The following FAT3 variants were observed in gnomAD, a reference collection of about 807,000 sequenced individuals.
FAT3 encodes FAT atypical cadherin 3.
Under a neutral mutation model 310.2 loss-of-function variants are expected in FAT3, and 95 were observed. The ratio of observed to expected loss-of-function variants is 0.31; its 90% CI spans 0.26 to 0.36. The LOEUF is 0.36. Among genes scored for constraint, FAT3 ranks in the 10% least tolerant of loss-of-function variants. The pLI is 1.00. For missense variants in FAT3, 5,408 were observed against 5,715.6 expected, an observed-to-expected ratio of 0.95 and a Z score of 1.74; for synonymous variants, 2,314 against 2,192.9, an observed-to-expected ratio of 1.06 and a Z score of -1.54.
chr11:92,680,693 G>T (rs1426743519), intron 3 of FAT3, among the ~76,000 whole-genome samples: 3 of 152,172 alleles, frequency 2.0e-5, no homozygotes, highest in Non-Finnish European at 1.5e-5. Flanking sequence ...TTGAGTACTT[G>T]TTGCATTGCA....
chr11:92,837,167 C>T (rs1374624136), intron 16 of FAT3, among the ~76,000 whole-genome samples: 1 of 151,970 alleles, frequency 6.6e-6, no homozygotes, highest in African/African-American at 2.4e-5. Context: ...TATTCATCTT[C>T]GAAGGGAAAT....
intron 2 of FAT3, among the ~76,000 whole-genome samples, chr11:92,487,281 G>C (rs1189292808): frequency 6.6e-6 from 1 of 152,090 alleles, no homozygotes; most frequent in Non-Finnish European, 1.5e-5. Context: ...GTTGGTAGCT[G>C]CTCACTTCTA....
intron 12 of FAT3, among the ~76,000 whole-genome samples, chr11:92,808,134 A>T (rs1280903293): frequency 6.6e-6 from 1 of 152,210 alleles, no homozygotes; most frequent in African/African-American, 2.4e-5. Flanking sequence ...CAGTAGACAT[A>T]AAAGTATTTT....
intron 1 of FAT3, among the ~76,000 whole-genome samples, chr11:92,288,349 G>C (rs764998497): frequency 2.0e-5 from 3 of 152,140 alleles, no homozygotes; most frequent in Non-Finnish European, 4.4e-5. Flanking sequence ...AGCAAGATGA[G>C]TAAATTCTAA....
chr11:92,293,208 G>A (rs955501511), intron 1 of FAT3, among the ~76,000 whole-genome samples: 3 of 151,504 alleles, frequency 2.0e-5, no homozygotes, highest in Admixed American at 6.6e-5. Flanking sequence ...TAAGAGGGTG[G>A]GAGCTAGAAG....
At chr11:92,652,156 C>T (rs1025829625) in intron 3 of FAT3, among the ~76,000 whole-genome samples, 1 of 152,170 alleles carries the variant, frequency 6.6e-6, no homozygotes, top group African/African-American at 2.4e-5. Context: ...CAACCCCCCT[C>T]TGCAGTCGTG....
chr11:92,709,888 C>T (rs895900044), intron 4 of FAT3, among the ~76,000 whole-genome samples: 10 of 152,052 alleles, frequency 6.6e-5, no homozygotes, highest in Non-Finnish European at 1.5e-4. Flanking sequence ...ACATTACCTC[C>T]GATCATCCTT....
intron 1 of FAT3, among the ~76,000 whole-genome samples, chr11:92,281,501 C>T (rs1009715802): frequency 3.9e-5 from 6 of 152,222 alleles, no homozygotes; most frequent in African/African-American, 7.2e-5. Context: ...TCTGCATTTC[C>T]GCAGGGCCTG....
At chr11:92,887,956 C>G (rs1396167309) in intron 25 of FAT3, among the ~76,000 whole-genome samples, 1 of 152,132 alleles carries the variant, frequency 6.6e-6, no homozygotes, top group Non-Finnish European at 1.5e-5. Flanking sequence ...CAACTAGCAA[C>G]AAATGGATAC....
At chr11:92,277,142 A>G (rs1946294427) in intron 1 of FAT3, among the ~76,000 whole-genome samples, 1 of 152,174 alleles carries the variant, frequency 6.6e-6, no homozygotes, top group Non-Finnish European at 1.5e-5. Context: ...ATGTAAATTA[A>G]TGAAATGTGC....
At chr11:92,392,159 C>T (rs183678695) in intron 2 of FAT3, among the ~76,000 whole-genome samples, 18 of 152,204 alleles carry the variant, frequency 1.2e-4, no homozygotes, top group Admixed American at 9.2e-4. Flanking sequence ...GAGACATGCA[C>T]GCACGCACAC....
At chr11:92,792,466 G>A (rs1236089035) in intron 8 of FAT3, among the ~76,000 whole-genome samples, 2 of 152,130 alleles carry the variant, frequency 1.3e-5, no homozygotes, top group Admixed American at 1.3e-4. Context: ...TATGGGGAGA[G>A]CCAGAGCACA....
At chr11:92,702,177 T>C (rs1944116348) in intron 4 of FAT3, among the ~76,000 whole-genome samples, 1 of 152,190 alleles carries the variant, frequency 6.6e-6, no homozygotes, top group African/African-American at 2.4e-5. Context: ...GGACGCTGTC[T>C]GTTAGACAGT....
intron 3 of FAT3, among the ~76,000 whole-genome samples, chr11:92,558,338 T>A (rs1955093910): frequency 6.6e-6 from 1 of 152,056 alleles, no homozygotes; most frequent in Non-Finnish European, 1.5e-5. Flanking sequence ...ACTTTTCAAG[T>A]GGTCTCAGAA....
chr11:92,792,635 C>T, intron 8 of FAT3, 132 bp from the exon 9 acceptor site: 1 of 768,172 alleles, frequency 1.3e-6, no homozygotes, highest in Non-Finnish European at 2.1e-6. Flanking sequence ...TACTGAGCAC[C>T]TACTAGAAGC....
At chr11:92,442,573 A>T (rs1187418149) in intron 2 of FAT3, among the ~76,000 whole-genome samples, 1 of 152,186 alleles carries the variant, frequency 6.6e-6, no homozygotes, top group Non-Finnish European at 1.5e-5. Flanking sequence ...TGTACTCTGT[A>T]AAGTAGCAGT....
intron 1 of FAT3, among the ~76,000 whole-genome samples, chr11:92,349,071 G>A (rs953051049): frequency 6.6e-6 from 1 of 152,090 alleles, no homozygotes; most frequent in African/African-American, 2.4e-5. Flanking sequence ...TATTTTTCAT[G>A]GGGGAAGTTT....
intron 3 of FAT3, among the ~76,000 whole-genome samples, chr11:92,612,959 G>C (rs186815216): frequency 1.3e-5 from 2 of 152,340 alleles, no homozygotes; most frequent in Admixed American, 6.5e-5. Flanking sequence ...TGCTATGCCA[G>C]TGTTGGGAGG....
chr11:92,781,609 A>G (rs1398783550), intron 7 of FAT3, among the ~76,000 whole-genome samples: 1 of 152,204 alleles, frequency 6.6e-6, no homozygotes, highest in Non-Finnish European at 1.5e-5. Context: ...ATCTGGTATA[A>G]TGAAAGGAGC....
Sources: gnomAD v4.1 joint callset for allele counts (sites outside exome capture counted in the v4.1 genomes callset) on GRCh38, gnomAD v4.1.1 for gene constraint, MANE v1.5 for transcripts, NCBI Gene and HGNC (gene_info 2026-07-23, HGNC 2026-07-21) for gene names.